Variants in NKAIN2 observed in about 807,000 individuals in gnomAD.
NKAIN2 encodes sodium/potassium-transporting ATPase subunit beta-1-interacting protein 2.
A neutral mutation model predicts 32.6 loss-of-function variants in NKAIN2; 14 were observed. The ratio of observed to expected loss-of-function variants is 0.43; its 90% confidence interval spans 0.28 to 0.67. NKAIN2 has a LOEUF of 0.67. Ranked by LOEUF, NKAIN2 falls within the 30% of genes least tolerant of loss-of-function variation. NKAIN2 has a pLI of 0.17. For synonymous variants in NKAIN2, 80 were observed against 87.2 expected, an observed-to-expected ratio of 0.92 and a Z score of 0.46; for missense variants, 198 against 258.3, an observed-to-expected ratio of 0.77 and a Z score of 1.60.
rs184198489 is a variant in NKAIN2, at chr6:124,112,784, A to C, written c.55-170221A>C. The stretch of plus-strand genomic sequence containing the variant: ...CTTTTTTTCTCTTTTTACTCCTCCG[A>C]GTTATTTCCAGTGACTTCTATTCCA... On this transcript the variant is annotated intron_variant, in intron 1 of 6. Transcript: ENST00000368417. Among the ~76,000 whole-genome samples the C allele has an allele frequency of 1.6e-3, 244 of 149,320 alleles. 1 individual carries two copies. The highest frequency in any genetic ancestry group is 5.8e-3 in the African/African-American group (235 of 40,488).
intron 3 of NKAIN2, among the ~76,000 whole-genome samples, chr6:124,498,607 A>T: frequency 6.6e-6 from 1 of 152,312 alleles, no homozygotes; most frequent in Admixed American, 6.5e-5. Flanking sequence ...AACAGAGCAT[A>T]ATTTTCTTAG....
chr6:124,592,725 T>A (rs568450459), intron 3 of NKAIN2, among the ~76,000 whole-genome samples: 1 of 152,346 alleles, frequency 6.6e-6, no homozygotes, highest in African/African-American at 2.4e-5. Flanking sequence ...TATCATGTAG[T>A]GGTTAAGTTG....
In NKAIN2 at chr6:124,251,520, A is replaced by G. The variant is rs141479238; in HGVS notation, c.55-31485A>G. Among the ~76,000 whole-genome samples the G allele has an allele frequency of 1.2e-3, 187 of 152,170 alleles. 1 individual carries two copies. Among genetic ancestry groups the G allele is most frequent in the African/African-American group, 4.3e-3 (180 of 41,576 alleles). ...CTTAAGGAAAATACTAGCACTCAGT[A>G]GAAGAATGGACTAAAGAAGTAAGCA... On this transcript the variant is annotated intron_variant, in intron 1 of 6. Coordinates refer to ENST00000368417, the MANE Select transcript of NKAIN2 (RefSeq NM_001040214.3).
At chr6:124,436,098 C>T (rs1183622598) in intron 3 of NKAIN2, among the ~76,000 whole-genome samples, 4 of 152,108 alleles carry the variant, frequency 2.6e-5, no homozygotes, top group African/African-American at 9.7e-5. Context: ...GTATCTTTGT[C>T]TTTCTGCTTT....
intron 1 of NKAIN2, among the ~76,000 whole-genome samples, chr6:124,269,367 T>G (rs1486389396): frequency 6.6e-6 from 1 of 152,100 alleles, no homozygotes; most frequent in African/African-American, 2.4e-5. Context: ...CATGACAAAT[T>G]CTAAAACGTC....
intron 1 of NKAIN2, among the ~76,000 whole-genome samples, chr6:123,899,100 AATCTGT>A (rs1303600942): frequency 6.6e-6 from 1 of 152,222 alleles, no homozygotes; most frequent in Non-Finnish European, 1.5e-5. Flanking sequence ...CATATGAATA[AATCTGT>A]ATCTGTATGA....
intron 4 of NKAIN2, among the ~76,000 whole-genome samples, chr6:124,670,111 C>A (rs1229679848): frequency 3.3e-5 from 5 of 152,032 alleles, no homozygotes; most frequent in Non-Finnish European, 5.9e-5. Flanking sequence ...CCAAAATAAT[C>A]CAAATGCATT....
chr6:124,331,729 G>A (rs1797670667), intron 2 of NKAIN2, among the ~76,000 whole-genome samples: 1 of 152,072 alleles, frequency 6.6e-6, no homozygotes, highest in Non-Finnish European at 1.5e-5. Flanking sequence ...ACAAAGAGCA[G>A]GAAAAACACT....
intron 4 of NKAIN2, among the ~76,000 whole-genome samples, chr6:124,739,126 T>C (rs1262377862): frequency 6.6e-6 from 1 of 151,912 alleles, no homozygotes; most frequent in African/African-American, 2.4e-5. Context: ...ACTGTTACTT[T>C]TTAAATATTC....
At chr6:124,204,822 T>C (rs1790774529) in intron 1 of NKAIN2, among the ~76,000 whole-genome samples, 2 of 151,766 alleles carry the variant, frequency 1.3e-5, no homozygotes, top group Non-Finnish European at 2.9e-5. Flanking sequence ...GCTAATTTGA[T>C]GTGTTTCTTA....
intron 4 of NKAIN2, among the ~76,000 whole-genome samples, chr6:124,788,007 C>A (rs1423205408): frequency 1.3e-5 from 2 of 152,074 alleles, no homozygotes; most frequent in African/African-American, 4.8e-5. Context: ...TGGGCTAACA[C>A]ATGAAAGTGT....
intron 3 of NKAIN2, among the ~76,000 whole-genome samples, chr6:124,636,632 A>G (rs899183237): frequency 3.3e-5 from 5 of 152,032 alleles, no homozygotes; most frequent in South Asian, 2.1e-4. Context: ...GAAAAACTCT[A>G]TGCCAACAAA....
intron 1 of NKAIN2, among the ~76,000 whole-genome samples, chr6:123,829,727 C>A (rs888569456): frequency 6.6e-6 from 1 of 152,162 alleles, no homozygotes; most frequent in Admixed American, 6.5e-5. Flanking sequence ...AATGACTCTT[C>A]ACTGTGAAAA....
intron 1 of NKAIN2, among the ~76,000 whole-genome samples, chr6:124,066,222 T>A (rs545036235): frequency 1.3e-5 from 2 of 152,282 alleles, no homozygotes; most frequent in Non-Finnish European, 2.9e-5. Context: ...TCTGTTAACT[T>A]CTTAGTCTCT....
intron 1 of NKAIN2, among the ~76,000 whole-genome samples, chr6:124,065,180 C>T (rs1232439621): frequency 1.3e-5 from 2 of 151,886 alleles, no homozygotes; most frequent in East Asian, 3.9e-4. Context: ...ATCTAACGCA[C>T]CTGCTTTCTC....
intron 3 of NKAIN2, among the ~76,000 whole-genome samples, chr6:124,594,220 G>T (rs1173041351): frequency 6.6e-6 from 1 of 152,222 alleles, no homozygotes; most frequent in Non-Finnish European, 1.5e-5. Flanking sequence ...TGAAAGTCAT[G>T]AATTTTAAGT....
At chr6:124,402,481 C>A (rs137992697) in intron 3 of NKAIN2, among the ~76,000 whole-genome samples, 3,251 of 152,274 alleles carry the variant, frequency 0.021, 79 homozygotes, top group Middle Eastern at 0.041. Context: ...ATTTGTCTAT[C>A]CTCATGCCAA....
At chr6:124,119,382 A>T (rs1025697155) in intron 1 of NKAIN2, among the ~76,000 whole-genome samples, 1 of 152,246 alleles carries the variant, frequency 6.6e-6, no homozygotes, top group Admixed American at 6.5e-5. Context: ...ATCTGTGAAC[A>T]TGAGCAAGTT....
chr6:124,790,676 G>C (rs898428814), intron 4 of NKAIN2, among the ~76,000 whole-genome samples: 2 of 152,130 alleles, frequency 1.3e-5, no homozygotes, highest in African/African-American at 4.8e-5. Context: ...GAGAGATCAA[G>C]TGACTTTGCT....
Sources: allele counts gnomAD v4.1 joint callset (sites outside exome capture counted in the v4.1 genomes callset), GRCh38; gene constraint gnomAD v4.1.1; transcripts MANE v1.5; gene names NCBI Gene and HGNC (gene_info 2026-07-23, HGNC 2026-07-21).